DLGAP2: variants seen among roughly 807,000 people sequenced by gnomAD.
DLGAP2 encodes DLG associated protein 2.
DLGAP2 carries 26 observed loss-of-function variants against 100.3 expected under a neutral mutation model. The ratio of observed to expected loss-of-function variants is 0.26; its 90% CI spans 0.19 to 0.36. The LOEUF is 0.36. Ranked by LOEUF, DLGAP2 falls within the 10% of genes least tolerant of loss-of-function variation. The pLI is 1.00. For synonymous variants in DLGAP2, 886 were observed against 630.1 expected (o/e 1.41, Z -6.08); for missense variants, 1,858 against 1,453.2 (o/e 1.28, Z -4.53).
intron 1 of DLGAP2, among the ~76,000 whole-genome samples, chr8:826,337 T>C (rs1796684871): frequency 6.6e-6 from 1 of 152,168 alleles, no homozygotes; most frequent in Non-Finnish European, 1.5e-5. Flanking sequence ...TTTGGCTTGG[T>C]TTTATTGATT....
chr8:1,248,994 C>T (rs145470806), intron 2 of DLGAP2, among the ~76,000 whole-genome samples: 4 of 152,194 alleles, frequency 2.6e-5, no homozygotes, highest in South Asian at 2.1e-4. Context: ...AGAGCAGGAC[C>T]CCGGGGACAT....
Position 980,325 on chromosome 8 carries a change from C to T in DLGAP2, c.73+72359C>T, listed in dbSNP as rs559925668. Among the ~76,000 whole-genome samples the T allele has an allele frequency of 2.6e-5, 4 of 152,322 alleles. No individual in the cohort carries two copies. In the South Asian group the frequency reaches 8.3e-4, roughly 32 times the overall value. ...ATTTTGGTTAATGACCTGGGAAAGACATGCTTTGGGCTATTGATGGCTGTA... is the reference window on the plus strand; with the variant it reads ...ATTTTGGTTAATGACCTGGGAAAGATATGCTTTGGGCTATTGATGGCTGTA... On this transcript the variant is annotated intron_variant, in intron 2 of 14. Coordinates refer to ENST00000637795, the MANE Select transcript of DLGAP2 (RefSeq NM_001346810.2).
chr8:1,116,415 C>A (rs1336010953), intron 2 of DLGAP2, among the ~76,000 whole-genome samples: 4 of 152,200 alleles, frequency 2.6e-5, no homozygotes, highest in Non-Finnish European at 4.4e-5. Flanking sequence ...TGCTAGATAA[C>A]CTTACAAGAG....
chr8:1,081,536 G>A (rs530956062), intron 2 of DLGAP2, among the ~76,000 whole-genome samples: 1 of 152,228 alleles, frequency 6.6e-6, no homozygotes, highest in East Asian at 1.9e-4. Flanking sequence ...ACTTGCAGTA[G>A]AGACAGGTTT....
intron 1 of DLGAP2, among the ~76,000 whole-genome samples, chr8:798,129 C>G (rs1796072046): frequency 6.6e-6 from 1 of 152,250 alleles, no homozygotes; most frequent in African/African-American, 2.4e-5. Context: ...TGTCTGTCAG[C>G]TGAAAGATCT....
chr8:866,657 C>T (rs186467085), intron 1 of DLGAP2, among the ~76,000 whole-genome samples: 187 of 152,292 alleles, frequency 1.2e-3, no homozygotes, highest in African/African-American at 3.9e-3. Flanking sequence ...CCACCTGTGA[C>T]GGCTCCTGGG....
chr8:1,551,560 T>A lies in DLGAP2; in HGVS notation c.1230+1877T>A, dbSNP rs1801766615. Among the ~76,000 whole-genome samples, 5 of 152,148 alleles carry A rather than the reference T, an allele frequency of 3.3e-5. No homozygotes were observed. In the South Asian group the frequency reaches 1.0e-3, roughly 32 times the overall value. Reference sequence around the variant, plus strand: ...TCCCAGGAACACGCTTCTCTCTGCCTCCAACAGCTATTCCACGGTCTAGGT... The same window carrying A: ...TCCCAGGAACACGCTTCTCTCTGCCACCAACAGCTATTCCACGGTCTAGGT... On this transcript the variant is annotated intron_variant, in intron 5 of 14. Transcript: ENST00000637795.
intron 2 of DLGAP2, among the ~76,000 whole-genome samples, chr8:1,250,073 G>T (rs977227050): frequency 6.6e-6 from 1 of 152,118 alleles, no homozygotes; most frequent in Non-Finnish European, 1.5e-5. Flanking sequence ...TAGAGATGGG[G>T]TTTCACCATG....
intron 6 of DLGAP2, among the ~76,000 whole-genome samples, chr8:1,600,075 A>G (rs1338525162): frequency 6.6e-6 from 1 of 152,124 alleles, no homozygotes; most frequent in Non-Finnish European, 1.5e-5. Context: ...TGGTGGTGAT[A>G]ATATCTCCCA....
chr8:1,301,680 G>C (rs1220841298), intron 3 of DLGAP2: 1 of 152,226 alleles, frequency 6.6e-6, no homozygotes, highest in Non-Finnish European at 1.5e-5. Context: ...AAACAAGTTG[G>C]AGATGATTCC....
chr8:1,160,891 GTAAC>G (rs778134881), intron 2 of DLGAP2, among the ~76,000 whole-genome samples: 1 of 152,214 alleles, frequency 6.6e-6, no homozygotes, highest in Non-Finnish European at 1.5e-5. Context: ...AATCAGGTAA[GTAAC>G]TAAAGACTGG....
intron 7 of DLGAP2, among the ~76,000 whole-genome samples, chr8:1,631,487 C>G (rs1367438352): frequency 1.3e-5 from 2 of 152,192 alleles, no homozygotes; most frequent in Non-Finnish European, 2.9e-5. Flanking sequence ...CATCCTGTTT[C>G]CAAGCCAGTG....
rs558885967 is a variant in DLGAP2, at chr8:769,330, A to G, written c.18+31505A>G. 3.3e-5 allele frequency among the ~76,000 whole-genome samples: 5 copies of G among 152,142 alleles called. No homozygotes were observed. The South Asian group carries it at 1.0e-3, about 32-fold the overall frequency. On this transcript the variant is annotated intron_variant, in intron 1 of 14. Coordinates refer to ENST00000637795, the MANE Select transcript of DLGAP2 (RefSeq NM_001346810.2). Reference sequence around the variant, plus strand: ...CTTGGATATCCAGCAGAAAAACGCTAACAAGAACTTGTTTAAAGGTGATTG... The same window carrying G: ...CTTGGATATCCAGCAGAAAAACGCTGACAAGAACTTGTTTAAAGGTGATTG...
At chr8:1,421,775 C>G (rs549069241) in intron 3 of DLGAP2, among the ~76,000 whole-genome samples, 2 of 152,088 alleles carry the variant, frequency 1.3e-5, no homozygotes, top group South Asian at 4.2e-4. Flanking sequence ...ACCAGCCTGG[C>G]CAACATGGTG....
chr8:940,889 C>T (rs1024305775), intron 2 of DLGAP2, among the ~76,000 whole-genome samples: 3 of 152,018 alleles, frequency 2.0e-5, no homozygotes, highest in African/African-American at 7.2e-5. Context: ...GCTCGGGAGG[C>T]TGAGCCCAGG....
chr8:773,667 G>T (rs897339327), intron 1 of DLGAP2, among the ~76,000 whole-genome samples: 14 of 151,834 alleles, frequency 9.2e-5, no homozygotes, highest in African/African-American at 3.4e-4. Flanking sequence ...TCCCTACAAA[G>T]GACATGAACT....
chr8:1,380,892 C>G (rs939847968), intron 3 of DLGAP2, among the ~76,000 whole-genome samples: 2 of 115,158 alleles, frequency 1.7e-5, no homozygotes, highest in African/African-American at 6.5e-5. Flanking sequence ...TTTTGGTGAC[C>G]ATTTGTATCA....
At chr8:1,416,537 C>A (rs563659046) in intron 3 of DLGAP2, among the ~76,000 whole-genome samples, 4 of 152,334 alleles carry the variant, frequency 2.6e-5, no homozygotes. Flanking sequence ...GAATGAACCA[C>A]CCGAGGCCTG....
At chr8:1,252,524 G>T (rs1277527960) in intron 2 of DLGAP2, among the ~76,000 whole-genome samples, 1 of 152,228 alleles carries the variant, frequency 6.6e-6, no homozygotes, top group Non-Finnish European at 1.5e-5. Flanking sequence ...TTACACGGTG[G>T]TGTTGTCACG....
Sources: allele counts gnomAD v4.1 joint callset (sites outside exome capture counted in the v4.1 genomes callset), GRCh38; gene constraint gnomAD v4.1.1; transcripts MANE v1.5; gene names NCBI Gene and HGNC (gene_info 2026-07-23, HGNC 2026-07-21).